The following EBF1 variants were observed in gnomAD, a reference collection of about 807,000 sequenced individuals.
EBF1 encodes EBF transcription factor 1.
In EBF1, 10 loss-of-function variants were observed where a neutral mutation model predicts 68.4. The ratio of observed to expected loss-of-function variants is 0.15; its 90% CI spans 0.09 to 0.25. EBF1 has a LOEUF of 0.25. Among genes scored for constraint, EBF1 ranks in the 10% least tolerant of loss-of-function variants. The pLI is 1.00. For missense variants in EBF1, 509 were observed against 794.4 expected, an observed-to-expected ratio of 0.64 and a Z score of 4.32; for synonymous variants, 298 against 299.8, an observed-to-expected ratio of 0.99 and a Z score of 0.06.
chr5:159,078,923 A>G (rs774380196), intron 5 of EBF1, among the ~76,000 whole-genome samples: 1 of 152,224 alleles, frequency 6.6e-6, no homozygotes, highest in Non-Finnish European at 1.5e-5. Flanking sequence ...CCAGTCATGG[A>G]ATCGGCAGAT....
chr5:158,898,783 C>T (rs1802680292), intron 6 of EBF1, among the ~76,000 whole-genome samples: 1 of 152,180 alleles, frequency 6.6e-6, no homozygotes, highest in Admixed American at 6.5e-5. Context: ...CAGAAGTTGC[C>T]ACACAATCCA....
intron 6 of EBF1, among the ~76,000 whole-genome samples, chr5:158,989,340 C>T (rs906456297): frequency 1.3e-5 from 2 of 152,198 alleles, no homozygotes; most frequent in Admixed American, 1.3e-4. Context: ...AAGCAGGCTG[C>T]TAGGGTGGGA....
At chr5:158,933,455 C>T (rs2127446233) in intron 6 of EBF1, among the ~76,000 whole-genome samples, 1 of 152,294 alleles carries the variant, frequency 6.6e-6, no homozygotes, top group East Asian at 1.9e-4. Context: ...CTTAATACAA[C>T]AGGATTTATG....
intron 6 of EBF1, among the ~76,000 whole-genome samples, chr5:158,891,474 T>C (rs1481918077): frequency 1.3e-5 from 2 of 152,170 alleles, no homozygotes; most frequent in African/African-American, 4.8e-5. Context: ...ATCTCTCCCC[T>C]GTTATTTCCT....
chr5:159,040,345 A>G (rs1410079666), intron 6 of EBF1, among the ~76,000 whole-genome samples: 1 of 152,240 alleles, frequency 6.6e-6, no homozygotes, highest in Non-Finnish European at 1.5e-5. Context: ...TATCTACTTT[A>G]CATCCATTGA....
At chr5:158,956,870 T>G (rs1023332053) in intron 6 of EBF1, among the ~76,000 whole-genome samples, 3 of 150,450 alleles carry the variant, frequency 2.0e-5, no homozygotes, top group Non-Finnish European at 1.5e-5. Context: ...ACCATTCTCC[T>G]GCCTCAGCCT....
At chr5:158,948,958 G>C (rs936730489) in intron 6 of EBF1, among the ~76,000 whole-genome samples, 2 of 152,128 alleles carry the variant, frequency 1.3e-5, no homozygotes, top group Non-Finnish European at 2.9e-5. Context: ...TTGTACTCTG[G>C]AGTTGGATCA....
chr5:158,992,202 C>A (rs1361366083), intron 6 of EBF1, among the ~76,000 whole-genome samples: 1 of 150,544 alleles, frequency 6.6e-6, no homozygotes. Context: ...CTTCCAGAAT[C>A]CTTAAATAAA....
intron 15 of EBF1, among the ~76,000 whole-genome samples, chr5:158,704,778 C>T (rs992016205): frequency 2.6e-5 from 4 of 152,180 alleles, no homozygotes; most frequent in Admixed American, 6.5e-5. Flanking sequence ...CTTTGCCCTG[C>T]TGGAGATTGT....
At chr5:158,817,591 AT>A (rs1348308894) in intron 8 of EBF1, among the ~76,000 whole-genome samples, 1 of 152,186 alleles carries the variant, frequency 6.6e-6, no homozygotes, top group African/African-American at 2.4e-5. Context: ...TTCCTCAAAA[AT>A]TACCCAGTCT....
rs547301715 is a variant in EBF1, at chr5:158,842,936, TGTA to T, written c.555-2829_555-2827del. ...GAGACTGTACTCTTAACCACCATGATGTAGTAGTTTTAGTAATGACAGAAGTAG... is the reference window on the plus strand; with the variant it reads ...GAGACTGTACTCTTAACCACCATGATGTAGTTTTAGTAATGACAGAAGTAG... On this transcript the variant is annotated intron_variant, in intron 6 of 15. Coordinates refer to ENST00000313708, the MANE Select transcript of EBF1 (RefSeq NM_024007.5). Among the ~76,000 whole-genome samples, 253 of 152,290 alleles carry T rather than the reference TGTA, an allele frequency of 1.7e-3. 1 individual carries two copies. The highest frequency in any genetic ancestry group is 2.1e-3 in the Non-Finnish European group (142 of 68,018).
chr5:159,098,321 G>T (rs1050112875), intron 1 of EBF1, among the ~76,000 whole-genome samples: 1 of 152,242 alleles, frequency 6.6e-6, no homozygotes, highest in African/African-American at 2.4e-5. Context: ...ACACAGTCTA[G>T]TGTCTAGGGA....
chr5:158,939,189 C>T (rs990290278), intron 6 of EBF1, among the ~76,000 whole-genome samples: 7 of 152,108 alleles, frequency 4.6e-5, no homozygotes, highest in African/African-American at 1.7e-4. Context: ...TTATTATGTG[C>T]GGGACAAGGG....
chr5:158,829,925 T>A (rs1261258510), intron 7 of EBF1, among the ~76,000 whole-genome samples: 21 of 152,230 alleles, frequency 1.4e-4, no homozygotes, highest in Admixed American at 1.4e-3. Flanking sequence ...TCTGGGACCC[T>A]ATCAACTCCA....
At chr5:158,888,157 C>A (rs1002859120) in intron 6 of EBF1, among the ~76,000 whole-genome samples, 5 of 152,170 alleles carry the variant, frequency 3.3e-5, no homozygotes, top group African/African-American at 9.7e-5. Flanking sequence ...CAAAAGGCAA[C>A]ATATATTGAC....
chr5:158,963,336 A>G, intron 6 of EBF1, among the ~76,000 whole-genome samples: 1 of 152,232 alleles, frequency 6.6e-6, no homozygotes, highest in Non-Finnish European at 1.5e-5. Flanking sequence ...TTTGCTATTA[A>G]CTTTTACGGA....
intron 10 of EBF1, among the ~76,000 whole-genome samples, chr5:158,742,267 C>T (rs1313827465): frequency 6.6e-6 from 1 of 152,232 alleles, no homozygotes; most frequent in African/African-American, 2.4e-5. Flanking sequence ...CATTTGACTT[C>T]CATTTTCCTA....
chr5:158,969,894 AAGAAAGAAAGAAAGAAAGAAAG>A (rs1355164289), intron 6 of EBF1, among the ~76,000 whole-genome samples: 3 of 115,206 alleles, frequency 2.6e-5, no homozygotes, highest in African/African-American at 9.4e-5. Context: ...GAAAGAAAGA[AAGAAAGAAAGAAAGAAAGAAAG>A]AAAAAAAAAA....
rs776735644 is a variant in EBF1, at chr5:159,096,958, C to T, written c.291+16G>A. On this transcript the variant is annotated intron_variant, in intron 2 of 15. Coordinates refer to ENST00000313708, the MANE Select transcript of EBF1 (RefSeq NM_024007.5). ...CCGAGCCGGGGACGAGGGGCGACAG[C>T]GCTGCGCCCACTTACTTTTTCCTTC... The T allele has an allele frequency of 1.7e-5, 28 of 1,612,188 alleles. No homozygotes were observed. The highest frequency in any genetic ancestry group is 1.1e-5 in the South Asian group (1 of 90,774).
Sources: allele counts gnomAD v4.1 joint callset (sites outside exome capture counted in the v4.1 genomes callset), GRCh38; gene constraint gnomAD v4.1.1; transcripts MANE v1.5; gene names NCBI Gene and HGNC (gene_info 2026-07-23, HGNC 2026-07-21).